The following TSPAN5 variants were observed in gnomAD, a reference collection of about 807,000 sequenced individuals.
TSPAN5 encodes tetraspanin-5.
TSPAN5 carries 10 observed loss-of-function variants against 37.1 expected under a neutral mutation model. The observed-to-expected ratio is 0.27, with a 90% CI of 0.17 to 0.46. The LOEUF (loss-of-function observed/expected upper bound fraction) is 0.46, where lower values mean the gene tolerates loss of function less well. TSPAN5 is among the 20% of genes least tolerant of loss of function. The pLI is 1.00. For synonymous variants in TSPAN5, 110 were observed against 118.9 expected (o/e 0.93, Z 0.48); for missense variants, 195 against 326.6 (o/e 0.60, Z 3.11).
intron 1 of TSPAN5, among the ~76,000 whole-genome samples, chr4:98,627,417 A>G (rs1316982818): frequency 5.3e-5 from 8 of 152,274 alleles, no homozygotes; most frequent in African/African-American, 1.9e-4. Flanking sequence ...CAAAAGGAAA[A>G]AAAAAACACA....
intron 1 of TSPAN5, among the ~76,000 whole-genome samples, chr4:98,539,772 G>C (rs1366271360): frequency 6.6e-6 from 1 of 151,780 alleles, no homozygotes; most frequent in Non-Finnish European, 1.5e-5. Context: ...TATTATACCG[G>C]GGTTGGTTGT....
chr4:98,604,022 T>A lies in TSPAN5; in HGVS notation c.81+54124A>T, dbSNP rs1329942462. ...ACCGCTCTATTGGACTGCCATTTCC[T>A]TTTCCCTGTTTGATGCTTACTGAAC... On this transcript the variant is annotated intron_variant, in intron 1 of 7. Transcript: ENST00000305798. Among the ~76,000 whole-genome samples the A allele has an allele frequency of 2.6e-5, 4 of 152,154 alleles. No individual in the cohort carries two copies. In the East Asian group the frequency reaches 7.7e-4, roughly 29 times the overall value.
At chr4:98,579,632 C>T (rs117271610) in intron 1 of TSPAN5, among the ~76,000 whole-genome samples, 5,260 of 152,224 alleles carry the variant, frequency 0.035, 142 homozygotes, top group East Asian at 0.076. Flanking sequence ...AAGAAAATTG[C>T]GTTACAAGAA....
In TSPAN5 at chr4:98,487,795, A is replaced by T. The variant is rs558749901; in HGVS notation, c.133-911T>A. 2.6e-5 allele frequency among the ~76,000 whole-genome samples: 4 copies of T among 152,244 alleles called. 1 individual carries two copies. The South Asian group carries it at 8.3e-4, about 32-fold the overall frequency. On this transcript the variant is annotated intron_variant, in intron 2 of 7. Transcript: ENST00000305798. ...CTTCTTCCACAAGAACACCAAACGGACCTCGAGTAATTTCACTTTTCCACA... is the reference window on the plus strand; with the variant it reads ...CTTCTTCCACAAGAACACCAAACGGTCCTCGAGTAATTTCACTTTTCCACA...
At chr4:98,519,719 T>C (rs1753811678) in intron 1 of TSPAN5, among the ~76,000 whole-genome samples, 1 of 152,210 alleles carries the variant, frequency 6.6e-6, no homozygotes, top group Non-Finnish European at 1.5e-5. Context: ...TTAGGCGTTA[T>C]TACCAAGACA....
At chr4:98,520,176 C>A (rs917079489) in intron 1 of TSPAN5, among the ~76,000 whole-genome samples, 12 of 152,018 alleles carry the variant, frequency 7.9e-5, no homozygotes, top group African/African-American at 2.9e-4. Flanking sequence ...GATAAAAGGG[C>A]AGCAGGAAAC....
chr4:98,578,618 C>T (rs1202393051), intron 1 of TSPAN5, among the ~76,000 whole-genome samples: 1 of 152,052 alleles, frequency 6.6e-6, no homozygotes, highest in East Asian at 1.9e-4. Flanking sequence ...TGGGGTTTTG[C>T]CATATTGGCC....
chr4:98,483,478 T>G (rs934215921), intron 3 of TSPAN5: 3 of 152,164 alleles, frequency 2.0e-5, no homozygotes, highest in African/African-American at 7.2e-5. Context: ...GAAACAAGGA[T>G]GAGTAAGAAC....
At chr4:98,505,555 T>C (rs1175650911) in intron 2 of TSPAN5, among the ~76,000 whole-genome samples, 2 of 152,220 alleles carry the variant, frequency 1.3e-5, no homozygotes, top group African/African-American at 4.8e-5. Context: ...TGGCAACTAC[T>C]TCATCTAAAA....
At chr4:98,535,181 G>A (rs763915454) in intron 1 of TSPAN5, among the ~76,000 whole-genome samples, 53 of 152,038 alleles carry the variant, frequency 3.5e-4, no homozygotes, top group Admixed American at 2.0e-4. Flanking sequence ...GGCTGTTCCT[G>A]TCCATGTTTA....
intron 2 of TSPAN5, among the ~76,000 whole-genome samples, chr4:98,502,340 G>A (rs1174175535): frequency 6.6e-6 from 1 of 152,146 alleles, no homozygotes; most frequent in East Asian, 1.9e-4. Context: ...TTCTTAAGAC[G>A]AGTCAAAGCT....
chr4:98,539,142 CAAAA>C (rs36115789), intron 1 of TSPAN5, among the ~76,000 whole-genome samples: 1 of 136,944 alleles, frequency 7.3e-6, no homozygotes. Flanking sequence ...TCACCCCCAC[CAAAA>C]AAAAAAAAAA....
intron 1 of TSPAN5, among the ~76,000 whole-genome samples, chr4:98,587,635 AT>A (rs1421035783): frequency 2.6e-5 from 4 of 152,282 alleles, no homozygotes; most frequent in East Asian, 3.9e-4. Context: ...CATGCCTGTA[AT>A]CCCAGCACTT....
chr4:98,651,230 T>A (rs1295663128), intron 1 of TSPAN5, among the ~76,000 whole-genome samples: 2 of 152,192 alleles, frequency 1.3e-5, no homozygotes, highest in Non-Finnish European at 2.9e-5. Context: ...ACAGCCTGAA[T>A]CTAAGCTTGT....
At chr4:98,650,554 A>T (rs549164711) in intron 1 of TSPAN5, among the ~76,000 whole-genome samples, 12 of 152,308 alleles carry the variant, frequency 7.9e-5, no homozygotes, top group African/African-American at 2.6e-4. Context: ...GAGAGGAAAA[A>T]CTAAACCCTG....
At chr4:98,516,968 C>A (rs1214441719) in intron 1 of TSPAN5, among the ~76,000 whole-genome samples, 1 of 152,188 alleles carries the variant, frequency 6.6e-6, no homozygotes, top group African/African-American at 2.4e-5. Flanking sequence ...GCCTGCAGAA[C>A]CATGAGCTAA....
chr4:98,573,301 C>T (rs1025537926), intron 1 of TSPAN5, among the ~76,000 whole-genome samples: 3 of 152,148 alleles, frequency 2.0e-5, no homozygotes, highest in Non-Finnish European at 4.4e-5. Context: ...TGTGGTTTGA[C>T]CTCGTAATAT....
chr4:98,525,453 A>G (rs961708216), intron 1 of TSPAN5, among the ~76,000 whole-genome samples: 7 of 152,260 alleles, frequency 4.6e-5, no homozygotes, highest in Non-Finnish European at 1.0e-4. Flanking sequence ...GTGTGATGGA[A>G]TGGTGTCCTG....
chr4:98,629,956 T>TG (rs1248254680), intron 1 of TSPAN5, among the ~76,000 whole-genome samples: 3 of 152,358 alleles, frequency 2.0e-5, no homozygotes, highest in Admixed American at 2.0e-4. Context: ...TAAACTGTCT[T>TG]GTCATACTTA....
Sources: allele counts gnomAD v4.1 joint callset (sites outside exome capture counted in the v4.1 genomes callset), GRCh38; gene constraint gnomAD v4.1.1; transcripts MANE v1.5; gene names NCBI Gene and HGNC (gene_info 2026-07-23, HGNC 2026-07-21).